Variants in OCA2 observed in about 807,000 individuals in gnomAD.
OCA2 encodes the protein P protein.
A neutral mutation model predicts 100.2 loss-of-function variants in OCA2; 77 were observed. The ratio of observed to expected loss-of-function variants is 0.77; its 90% CI spans 0.64 to 0.93. The LOEUF (loss-of-function observed/expected upper bound fraction) is 0.93, where lower values mean the gene tolerates loss of function less well. Among genes scored for constraint, OCA2 ranks in the 40% least tolerant of loss-of-function variants. OCA2 has a pLI of 0.00. For missense variants in OCA2, 1,062 were observed against 1,089.1 expected (o/e 0.98, Z 0.35); for synonymous variants, 432 against 439.2 (o/e 0.98, Z 0.21).
intron 15 of OCA2, among the ~76,000 whole-genome samples, chr15:27,965,721 CT>C (rs1290603589): frequency 7.9e-5 from 12 of 152,216 alleles, no homozygotes; most frequent in Admixed American, 5.9e-4. Context: ...GCGCCTTCAT[CT>C]GCTGAGCTCT....
chr15:28,082,029 G>C (rs2044651419), intron 1 of OCA2, 134 bp from the exon 2 acceptor site: 8 of 736,640 alleles, frequency 1.1e-5, no homozygotes, highest in Non-Finnish European at 1.8e-5. Context: ...AACCACGCAA[G>C]AGCATTTCAC....
rs1030132657 is a variant in OCA2, at chr15:28,051,670, A to G, written c.228-19507T>C. ...CTGCCCAGGCTGGAGTGTAGTGGCT[A>G]TTCATTCAGAGGCCAGACCATGGCG... On this transcript the variant is annotated intron_variant, in intron 2 of 23. Coordinates refer to ENST00000354638, the MANE Select transcript of OCA2 (RefSeq NM_000275.3). Among the ~76,000 whole-genome samples the G allele has an allele frequency of 1.0e-4, 13 of 125,604 alleles. 1 individual carries two copies. Among genetic ancestry groups the G allele is most frequent in the African/African-American group, 3.9e-4 (12 of 31,122 alleles). 82.4% of individuals were successfully genotyped at this position (125,604 alleles called of 152,430 possible).
intron 23 of OCA2, among the ~76,000 whole-genome samples, chr15:27,837,883 G>GAA (rs71414520): frequency 9.1e-5 from 8 of 88,020 alleles, no homozygotes; most frequent in East Asian, 3.3e-4. Context: ...CCCCACGACT[G>GAA]AAAAAAAAAA....
In OCA2 at chr15:27,985,094, G is replaced by A; in HGVS notation, c.1334C>T (p.Thr445Ile). 6.2e-7 allele frequency: 1 copy of A among 1,614,026 alleles called. No homozygotes were observed. The highest frequency in any genetic ancestry group is 1.1e-5 in the South Asian group (1 of 91,082). ...VLSAFLDNVTTMLLFTPVTIR... is the reference protein window; with the variant it reads ...VLSAFLDNVTIMLLFTPVTIR... ...GGTCACAGGCGTGAAGAGGAGCATG[G>A]TGGTGACGTTGTCCAAGAAGGCAGA... Residue 445 changes from threonine to isoleucine, a missense_variant, in exon 13 of 24, where the codon ACC becomes ATC. Coordinates refer to ENST00000354638, the MANE Select transcript of OCA2 (RefSeq NM_000275.3).
intron 14 of OCA2, among the ~76,000 whole-genome samples, chr15:27,973,009 G>C (rs1440871617): frequency 6.6e-6 from 1 of 151,844 alleles, no homozygotes; most frequent in African/African-American, 2.4e-5. Context: ...GGGATTACAA[G>C]CATGCACCAC....
At chr15:27,953,192 TAG>T (rs2040094436) in intron 17 of OCA2, among the ~76,000 whole-genome samples, 2 of 152,216 alleles carry the variant, frequency 1.3e-5, no homozygotes, top group Non-Finnish European at 1.5e-5. Context: ...TATATAGATA[TAG>T]ACACACAGAG....
At chr15:27,893,592 G>C (rs1236659996) in intron 19 of OCA2, among the ~76,000 whole-genome samples, 1 of 152,072 alleles carries the variant, frequency 6.6e-6, no homozygotes, top group Non-Finnish European at 1.5e-5. Flanking sequence ...CTGGGGGGAG[G>C]TCTATAAACG....
At chr15:27,962,401 T>C (rs752248465) in intron 15 of OCA2, among the ~76,000 whole-genome samples, 5 of 152,218 alleles carry the variant, frequency 3.3e-5, no homozygotes, top group Non-Finnish European at 7.3e-5. Flanking sequence ...CTGATGGTAT[T>C]ACTTAGAGTG....
chr15:28,000,312 A>G (rs1304489057), intron 9 of OCA2, among the ~76,000 whole-genome samples: 1 of 152,208 alleles, frequency 6.6e-6, no homozygotes, highest in Non-Finnish European at 1.5e-5. Flanking sequence ...AAACCCATGC[A>G]TGTTACAGTC....
intron 21 of OCA2, among the ~76,000 whole-genome samples, chr15:27,869,212 G>GT (rs1216993149): frequency 1.6e-4 from 24 of 152,220 alleles, no homozygotes; most frequent in African/African-American, 5.8e-4. Context: ...TGGTCATGCT[G>GT]TATGTGGCTT....
rs150711896 is a variant in OCA2 at position 27,957,610 on chromosome 15, G to A, written c.1762C>T (p.Arg588Trp). The change falls in exon 16 of 24, where the codon CGG (arginine) becomes TGG (tryptophan). Residue 588 changes from arginine (R) to tryptophan (W), a missense_variant. Physicochemically the swap from Arg to Trp is moderately radical, Grantham distance 101. Coordinates refer to ENST00000354638, the MANE Select transcript of OCA2 (RefSeq NM_000275.3). The surrounding 1 kb of genome is among the most constrained non-coding windows in gnomAD (Gnocchi z 4.3). ...TACCTGTGGAAGGTGTGCAGCCTCCGGGCGAGCAGGTGCTCCAGTGCCAGC... is the reference window on the plus strand; with the variant it reads ...TACCTGTGGAAGGTGTGCAGCCTCCAGGCGAGCAGGTGCTCCAGTGCCAGC... ...KVLALEHLLARRLHTFHRQIS... is the reference protein window; with the variant it reads ...KVLALEHLLAWRLHTFHRQIS... 1,106 of 1,612,730 alleles carry A rather than the reference G, an allele frequency of 6.9e-4. 9 individuals carry two copies. The highest frequency in any genetic ancestry group is 5.3e-3 in the South Asian group (481 of 91,064).
At chr15:27,795,650 C>T (rs2033298443) in intron 23 of OCA2, among the ~76,000 whole-genome samples, 1 of 152,228 alleles carries the variant, frequency 6.6e-6, no homozygotes, top group Non-Finnish European at 1.5e-5. Flanking sequence ...AAACAATTAT[C>T]AGTTCAAGTT....
intron 21 of OCA2, among the ~76,000 whole-genome samples, chr15:27,865,443 G>A (rs1031738526): frequency 6.6e-6 from 1 of 152,244 alleles, no homozygotes; most frequent in Non-Finnish European, 1.5e-5. Flanking sequence ...AGGCAGGGAA[G>A]GCAGGCAGCT....
At chr15:28,096,933 C>A (rs1486333759) in intron 1 of OCA2, among the ~76,000 whole-genome samples, 2 of 152,062 alleles carry the variant, frequency 1.3e-5, no homozygotes, top group African/African-American at 4.8e-5. Context: ...CACGCGGCCG[C>A]CCAGCCCCGC....
intron 23 of OCA2, among the ~76,000 whole-genome samples, chr15:27,788,971 T>C (rs983435140): frequency 1.3e-5 from 2 of 152,168 alleles, no homozygotes; most frequent in African/African-American, 4.8e-5. Context: ...CATTAAAACC[T>C]AGAGATTCTG....
At chr15:27,967,790 T>C (rs1194704935) in intron 14 of OCA2, among the ~76,000 whole-genome samples, 2 of 152,232 alleles carry the variant, frequency 1.3e-5, no homozygotes, top group Non-Finnish European at 2.9e-5. Flanking sequence ...AAATCCCCAC[T>C]AGGTTGATTT....
At chr15:27,896,341 A>G in intron 19 of OCA2, 1 of 796,506 alleles carries the variant, frequency 1.3e-6, no homozygotes, top group Non-Finnish European at 2.2e-6. Flanking sequence ...GAAGATGAAG[A>G]TGCTTACCAG....
At chr15:27,961,553 T>C (rs1015085038) in intron 15 of OCA2, among the ~76,000 whole-genome samples, 1 of 152,168 alleles carries the variant, frequency 6.6e-6, no homozygotes, top group African/African-American at 2.4e-5. Flanking sequence ...CCAACCCAAA[T>C]GCCCATCAAT....
intron 19 of OCA2, among the ~76,000 whole-genome samples, chr15:27,890,169 T>A (rs1356838174): frequency 6.6e-6 from 1 of 152,222 alleles, no homozygotes; most frequent in Non-Finnish European, 1.5e-5. Context: ...TATATTTTTT[T>A]AAAAGGGCAG....
Sources: allele counts gnomAD v4.1 joint callset (sites outside exome capture counted in the v4.1 genomes callset), GRCh38; gene constraint gnomAD v4.1.1; non-coding constraint Gnocchi (gnomAD v3.1); transcripts MANE v1.5; gene names NCBI Gene and HGNC (gene_info 2026-07-23, HGNC 2026-07-21).